PINX1: variants seen among roughly 807,000 people sequenced by gnomAD.
PINX1 encodes the protein PIN2/TERF1-interacting telomerase inhibitor 1.
Under a neutral mutation model 25.4 loss-of-function variants are expected in PINX1, and 34 were observed. That is an observed-to-expected ratio of 1.34 (90% CI 1.02 to 1.78). PINX1 has a LOEUF of 1.78. Ranked by LOEUF, PINX1 falls within the 40% of genes most tolerant of loss-of-function variation. The pLI, the probability that PINX1 is intolerant of heterozygous loss-of-function variation, is 0.00. For missense variants in PINX1, 592 were observed against 404.9 expected, an observed-to-expected ratio of 1.46 and a Z score of -3.97; for synonymous variants, 197 against 147.7, an observed-to-expected ratio of 1.33 and a Z score of -2.42.
chr8:10,797,168 C>A (rs538915356), intron 6 of PINX1, among the ~76,000 whole-genome samples: 2 of 152,158 alleles, frequency 1.3e-5, no homozygotes, highest in African/African-American at 4.8e-5. Context: ...GGGGTCTTCA[C>A]GCTCACTAGT....
At chr8:10,831,771 G>C (rs763007787) in intron 3 of PINX1, 28 bp from the exon 4 acceptor site, 5 of 1,374,158 alleles carry the variant, frequency 3.6e-6, no homozygotes, top group Non-Finnish European at 5.1e-6. Context: ...ATGAACGAGA[G>C]GTAAGCCTGT....
intron 4 of PINX1, among the ~76,000 whole-genome samples, chr8:10,829,868 G>C (rs1048152238): frequency 6.6e-6 from 1 of 152,126 alleles, no homozygotes; most frequent in Non-Finnish European, 1.5e-5. Flanking sequence ...ATTTTTAGGA[G>C]AGACAGGGTT....
rs759147438 is a variant in PINX1 at position 10,832,921 on chromosome 8, G to C, written c.193C>G (p.Leu65Val). 4 of 1,611,550 alleles carry C rather than the reference G, an allele frequency of 2.5e-6. No individual in the cohort carries two copies. In the African/African-American group the frequency reaches 5.3e-5, roughly 22 times the overall value. ...HIKVQVKNNHLGLGATINNED... is the reference protein window; with the variant it reads ...HIKVQVKNNHVGLGATINNED... The stretch of plus-strand genomic sequence containing the variant: ...TTATTGATGGTAGCTCCGAGTCCCA[G>C]GTGGTTATTTTTCACTTGAACTTTA... The change falls in exon 3 of 7, where the codon CTG becomes GTG. Residue 65 changes from leucine (L) to valine (V), a missense_variant. Transcript: ENST00000314787.
chr8:10,796,589 G>C (rs1337332306), intron 6 of PINX1, among the ~76,000 whole-genome samples: 1 of 152,096 alleles, frequency 6.6e-6, no homozygotes, highest in Non-Finnish European at 1.5e-5. Context: ...AAGATACAAT[G>C]TTTAAAATAT....
At chr8:10,817,812 A>C (rs982793942) in intron 6 of PINX1, among the ~76,000 whole-genome samples, 1 of 152,106 alleles carries the variant, frequency 6.6e-6, no homozygotes, top group Non-Finnish European at 1.5e-5. Flanking sequence ...CCTCAGGGTT[A>C]CTCACGACCC....
At chr8:10,809,331 A>G (rs1802552404) in intron 6 of PINX1, among the ~76,000 whole-genome samples, 1 of 152,284 alleles carries the variant, frequency 6.6e-6, no homozygotes, top group Non-Finnish European at 1.5e-5. Flanking sequence ...CAAGCGAAAG[A>G]GTAGCCTTCC....
chr8:10,824,535 C>G lies in PINX1; in HGVS notation c.394+1617G>C, dbSNP rs527918725. ...AGAACCCTCGCTGGAAGACAGAAAACGAAGGCACGAGGCACTCAGCGGTCT... is the reference window on the plus strand; with the variant it reads ...AGAACCCTCGCTGGAAGACAGAAAAGGAAGGCACGAGGCACTCAGCGGTCT... On this transcript the variant is annotated intron_variant, in intron 5 of 6. Coordinates refer to ENST00000314787, the MANE Select transcript of PINX1 (RefSeq NM_017884.6). 1.1e-4 allele frequency among the ~76,000 whole-genome samples: 17 copies of G among 152,244 alleles called. No homozygotes were observed. In the South Asian group the frequency reaches 3.1e-3, roughly 28 times the overall value.
At chr8:10,825,523 A>T (rs1365933883) in intron 5 of PINX1, 3 of 526,618 alleles carry the variant, frequency 5.7e-6, no homozygotes, top group Non-Finnish European at 1.2e-5. Flanking sequence ...CTAGTGGCTG[A>T]AGACAACAAC....
chr8:10,811,915 G>A (rs1392993851), intron 6 of PINX1, among the ~76,000 whole-genome samples: 2 of 152,188 alleles, frequency 1.3e-5, no homozygotes, highest in African/African-American at 4.8e-5. Flanking sequence ...TCCACCTCCT[G>A]GTGTGGAGGT....
intron 5 of PINX1, among the ~76,000 whole-genome samples, chr8:10,824,308 C>G (rs902761577): frequency 6.6e-6 from 1 of 152,110 alleles, no homozygotes; most frequent in African/African-American, 2.4e-5. Flanking sequence ...AAGTGTGCAC[C>G]GTGATTGGAA....
Position 10,839,792 on chromosome 8 carries a change from G to A in PINX1, c.-36C>T, listed in dbSNP as rs1221588249. 3.8e-6 allele frequency: 6 copies of A among 1,591,770 alleles called. No homozygotes were observed. The South Asian group carries it at 4.6e-5, about 12-fold the overall frequency. Reference sequence around the variant, plus strand: ...CTGTGATACCGCCGCCTCTGGACCTGGGTGACTGCGGCCACTGGGCGGGCT... The same window carrying A: ...CTGTGATACCGCCGCCTCTGGACCTAGGTGACTGCGGCCACTGGGCGGGCT... On this transcript the variant is annotated 5_prime_UTR_variant, in exon 1 of 7. Transcript: ENST00000314787.
At chr8:10,769,470 G>A (rs1424645336) in intron 6 of PINX1, among the ~76,000 whole-genome samples, 1 of 152,268 alleles carries the variant, frequency 6.6e-6, no homozygotes, top group East Asian at 1.9e-4. Context: ...AGATGACTCT[G>A]GAGCACCTGT....
At chr8:10,771,742 G>C (rs1336438739) in intron 6 of PINX1, among the ~76,000 whole-genome samples, 2 of 152,234 alleles carry the variant, frequency 1.3e-5, no homozygotes, top group Non-Finnish European at 2.9e-5. Flanking sequence ...CTAATGTCCA[G>C]AAGGGGTGTG....
intron 6 of PINX1, among the ~76,000 whole-genome samples, chr8:10,766,999 C>A (rs982208321): frequency 3.3e-5 from 5 of 151,950 alleles, no homozygotes; most frequent in African/African-American, 1.2e-4. Context: ...ACTCTGCCCA[C>A]AGAGACTCTG....
At chr8:10,812,468 G>C (rs1345269390) in intron 6 of PINX1, among the ~76,000 whole-genome samples, 1 of 152,206 alleles carries the variant, frequency 6.6e-6, no homozygotes, top group South Asian at 2.1e-4. Flanking sequence ...CCTGCACAGG[G>C]CACTCCCAAG....
intron 6 of PINX1, among the ~76,000 whole-genome samples, chr8:10,795,843 AC>A (rs1264939054): frequency 6.6e-6 from 1 of 152,004 alleles, no homozygotes; most frequent in African/African-American, 2.4e-5. Flanking sequence ...GCAAAAAACA[AC>A]AAAAAGGCCC....
At chr8:10,785,051 A>G (rs939533285) in intron 6 of PINX1, among the ~76,000 whole-genome samples, 3 of 152,164 alleles carry the variant, frequency 2.0e-5, no homozygotes, top group Admixed American at 6.5e-5. Flanking sequence ...TAAAGAGCGT[A>G]TCATTTAAAT....
chr8:10,814,658 G>C (rs1186615097), intron 6 of PINX1, among the ~76,000 whole-genome samples: 1 of 152,210 alleles, frequency 6.6e-6, no homozygotes, highest in East Asian at 1.9e-4. Context: ...TCTCAGAGAA[G>C]AAATACTTAT....
chr8:10,774,363 C>G (rs900972861), intron 6 of PINX1, among the ~76,000 whole-genome samples: 1 of 151,740 alleles, frequency 6.6e-6, no homozygotes. Context: ...CTCACCGCAA[C>G]CTCCGCCTCC....
Sources: gnomAD v4.1 joint callset for allele counts (sites outside exome capture counted in the v4.1 genomes callset) on GRCh38, gnomAD v4.1.1 for gene constraint, MANE v1.5 for transcripts, NCBI Gene and HGNC (gene_info 2026-07-23, HGNC 2026-07-21) for gene names.